The following MAGI1 variants were observed in gnomAD, a reference collection of about 807,000 sequenced individuals.
MAGI1 encodes membrane associated guanylate kinase, WW and PDZ domain containing 1, also known as membrane-associated guanylate kinase, WW and PDZ domain-containing protein 1.
In MAGI1, 58 loss-of-function variants were observed where a neutral mutation model predicts 139.9. The observed-to-expected ratio is 0.41, with a 90% CI of 0.34 to 0.52. The LOEUF (loss-of-function observed/expected upper bound fraction) is 0.52. Among genes scored for constraint, MAGI1 ranks in the 20% least tolerant of loss-of-function variants. The pLI, the probability that MAGI1 is intolerant of heterozygous loss-of-function variation, is 0.12. For missense variants in MAGI1, 1,874 were observed against 1,901.6 expected (o/e 0.99, Z 0.27); for synonymous variants, 812 against 737.9 (o/e 1.10, Z -1.63).
intron 2 of MAGI1, among the ~76,000 whole-genome samples, chr3:65,521,218 CAG>C (rs991419957): frequency 8.6e-5 from 13 of 151,650 alleles, no homozygotes; most frequent in African/African-American, 3.1e-4. Context: ...CACTTTATTA[CAG>C]AGATTACGCT....
chr3:65,531,706 G>C (rs925709100), intron 2 of MAGI1, among the ~76,000 whole-genome samples: 1 of 152,170 alleles, frequency 6.6e-6, no homozygotes, highest in African/African-American at 2.4e-5. Context: ...CTTGGGGCCA[G>C]ACTGCTGGGT....
At chr3:65,951,276 C>T (rs1226548417) in intron 1 of MAGI1, among the ~76,000 whole-genome samples, 2 of 152,156 alleles carry the variant, frequency 1.3e-5, no homozygotes, top group Non-Finnish European at 2.9e-5. Context: ...TGTCATATAC[C>T]TCACATGGCT....
intron 12 of MAGI1, among the ~76,000 whole-genome samples, chr3:65,414,412 C>G (rs961611578): frequency 4.6e-5 from 7 of 152,138 alleles, no homozygotes; most frequent in African/African-American, 1.2e-4. Flanking sequence ...ATAACCCCGG[C>G]CTTGAATCCG....
chr3:65,594,985 C>T (rs1279229827), intron 2 of MAGI1, among the ~76,000 whole-genome samples: 1 of 152,124 alleles, frequency 6.6e-6, no homozygotes, highest in African/African-American at 2.4e-5. Flanking sequence ...CAGTTTCAGT[C>T]GGTATCACAT....
rs2107497792 is a variant in MAGI1 at position 65,453,249 on chromosome 3, G to A, written c.1042+9C>T. 1.2e-6 allele frequency: 2 copies of A among 1,613,184 alleles called. No individual in the cohort carries two copies. Among genetic ancestry groups the A allele is most frequent in the Non-Finnish European group, 1.7e-6 (2 of 1,179,526 alleles). On this transcript the variant is annotated intron_variant, in intron 6 of 22. Coordinates refer to ENST00000402939, the MANE Select transcript of MAGI1 (RefSeq NM_001033057.2). ...ATTCACTTAACCCAAGACCTGCCTG[G>A]CCCCTTACCATCATCTTCACACTCT...
At chr3:65,581,269 GATATGACTTGT>G (rs1274274225) in intron 2 of MAGI1, among the ~76,000 whole-genome samples, 1 of 151,986 alleles carries the variant, frequency 6.6e-6, no homozygotes, top group African/African-American at 2.4e-5. Flanking sequence ...ATGTAGTGAC[GATATGACTTGT>G]ATATGAACCT....
At chr3:65,970,906 T>TA (rs549094821) in intron 1 of MAGI1, among the ~76,000 whole-genome samples, 25 of 152,064 alleles carry the variant, frequency 1.6e-4, no homozygotes, top group Non-Finnish European at 3.4e-4. Context: ...AGATCAGTTT[T>TA]AAAAAATAAA....
At chr3:65,836,198 T>C (rs1043682295) in intron 1 of MAGI1, among the ~76,000 whole-genome samples, 4 of 152,126 alleles carry the variant, frequency 2.6e-5, no homozygotes, top group Non-Finnish European at 5.9e-5. Context: ...GTGCATAACA[T>C]TACAAAGCCA....
At chr3:66,020,594 G>A (rs566553409) in intron 1 of MAGI1, among the ~76,000 whole-genome samples, 4 of 152,212 alleles carry the variant, frequency 2.6e-5, no homozygotes, top group African/African-American at 4.8e-5. Context: ...GGACCCATAC[G>A]CTGATTGAGC....
chr3:65,923,139 G>A (rs929319699), intron 1 of MAGI1, among the ~76,000 whole-genome samples: 3 of 151,644 alleles, frequency 2.0e-5, no homozygotes, highest in Non-Finnish European at 2.9e-5. Flanking sequence ...ATTCTTCTAT[G>A]TAAGACCTAT....
At chr3:65,362,444 G>A (rs1031842611) in intron 21 of MAGI1, among the ~76,000 whole-genome samples, 10 of 152,086 alleles carry the variant, frequency 6.6e-5, no homozygotes, top group Admixed American at 6.5e-5. Context: ...GTACCACCAT[G>A]TATCTCCCCT....
At chr3:65,467,591 AC>A (rs1308382202) in intron 5 of MAGI1, among the ~76,000 whole-genome samples, 1 of 152,184 alleles carries the variant, frequency 6.6e-6, no homozygotes, top group Non-Finnish European at 1.5e-5. Flanking sequence ...ATCAGCTAAA[AC>A]CTAAGTTATA....
At chr3:65,615,262 A>G (rs1369732245) in intron 2 of MAGI1, among the ~76,000 whole-genome samples, 1 of 152,114 alleles carries the variant, frequency 6.6e-6, no homozygotes, top group Non-Finnish European at 1.5e-5. Context: ...CCAAAATTAC[A>G]CTTACCAAAC....
chr3:65,983,381 A>G (rs1231946818), intron 1 of MAGI1, among the ~76,000 whole-genome samples: 1 of 152,172 alleles, frequency 6.6e-6, no homozygotes, highest in African/African-American at 2.4e-5. Context: ...GTGGAGTACA[A>G]TGAGACTCTC....
At position 66,013,295 on chromosome 3, in the gene MAGI1, T is replaced by C. The variant is rs140983387; in HGVS notation, c.313+24701A>G. ...GCACATGCCTGTAATCCCAGCTACTTAGGAGGCTGAGGCAGGAGAATCACT... is the reference window on the plus strand; with the variant it reads ...GCACATGCCTGTAATCCCAGCTACTCAGGAGGCTGAGGCAGGAGAATCACT... On this transcript the variant is annotated intron_variant, in intron 1 of 22. Transcript: ENST00000402939. Among the ~76,000 whole-genome samples the C allele has an allele frequency of 6.6e-3, 997 of 150,474 alleles. 17 individuals are homozygous for C. Among genetic ancestry groups the C allele is most frequent in the African/African-American group, 0.023 (935 of 40,934 alleles).
chr3:65,746,664 G>A (rs1027923017), intron 1 of MAGI1, among the ~76,000 whole-genome samples: 2 of 152,080 alleles, frequency 1.3e-5, no homozygotes, highest in Admixed American at 6.6e-5. Context: ...CTGATGACAT[G>A]GAGGGGAAAA....
At chr3:65,601,819 A>AC (rs61246183) in intron 2 of MAGI1, among the ~76,000 whole-genome samples, 40,937 of 151,980 alleles carry the variant, frequency 0.27, 6,056 homozygotes, top group African/African-American at 0.37. Context: ...GTGAAAAGAC[A>AC]CCCATGGAAA....
In MAGI1 at chr3:65,564,248, A is replaced by G. The variant is rs561457160; in HGVS notation, c.430+57724T>C. Among the ~76,000 whole-genome samples, 13 of 152,152 alleles carry G rather than the reference A, an allele frequency of 8.5e-5. No individual in the cohort carries two copies. The South Asian group carries it at 2.7e-3, about 32-fold the overall frequency. On this transcript the variant is annotated intron_variant, in intron 2 of 22. Coordinates refer to ENST00000402939, the MANE Select transcript of MAGI1 (RefSeq NM_001033057.2). ...AGACAAGGCTACGAAAATGGATAACAAATCTTCTAAGAAAAAAAAAAAGGC... is the reference window on the plus strand; with the variant it reads ...AGACAAGGCTACGAAAATGGATAACGAATCTTCTAAGAAAAAAAAAAAGGC...
At chr3:65,712,086 A>G (rs2031518426) in intron 1 of MAGI1, among the ~76,000 whole-genome samples, 1 of 152,174 alleles carries the variant, frequency 6.6e-6, no homozygotes, top group African/African-American at 2.4e-5. Context: ...TGATGGTTTA[A>G]AAACACAACC....
Sources: gnomAD v4.1 joint callset for allele counts (sites outside exome capture counted in the v4.1 genomes callset) on GRCh38, gnomAD v4.1.1 for gene constraint, MANE v1.5 for transcripts, NCBI Gene and HGNC (gene_info 2026-07-23, HGNC 2026-07-21) for gene names.